PDE8B: variants seen among roughly 807,000 people sequenced by gnomAD.
The protein encoded by PDE8B is high affinity cAMP-specific and IBMX-insensitive 3',5'-cyclic phosphodiesterase 8B.
In PDE8B, 26 loss-of-function variants were observed where a neutral mutation model predicts 101.3. That is an observed-to-expected ratio of 0.26 (90% CI 0.19 to 0.36). The LOEUF (loss-of-function observed/expected upper bound fraction) is 0.36. Among genes scored for constraint, PDE8B ranks in the 10% least tolerant of loss-of-function variants. PDE8B has a pLI of 1.00. For missense variants in PDE8B, 810 were observed against 1,163.1 expected, an observed-to-expected ratio of 0.70 and a Z score of 4.42; for synonymous variants, 424 against 429.3, an observed-to-expected ratio of 0.99 and a Z score of 0.15.
intron 7 of PDE8B, among the ~76,000 whole-genome samples, chr5:77,346,451 C>A (rs943736517): frequency 3.9e-5 from 6 of 152,222 alleles, no homozygotes; most frequent in African/African-American, 1.4e-4. Flanking sequence ...GGCTCCCTGC[C>A]CACTAGCCGC....
At chr5:77,365,516 C>A (rs933289118) in intron 10 of PDE8B, among the ~76,000 whole-genome samples, 2 of 152,190 alleles carry the variant, frequency 1.3e-5, no homozygotes, top group African/African-American at 4.8e-5. Flanking sequence ...AGGGACCATG[C>A]CTTCATCGTC....
the PDE8B span, among the ~76,000 whole-genome samples, chr5:77,177,599 G>A: frequency 3.9e-5 from 6 of 152,220 alleles, no homozygotes; most frequent in Non-Finnish European, 8.8e-5. Context: ...GCGCATTACA[G>A]CTTCTCTTTG....
At chr5:77,090,346 G>T in the PDE8B span, among the ~76,000 whole-genome samples, 1 of 152,118 alleles carries the variant, frequency 6.6e-6, no homozygotes, top group Non-Finnish European at 1.5e-5. Context: ...AGCTTGTGTG[G>T]AGCTAGTGTT....
chr5:77,166,397 C>G, the PDE8B span, among the ~76,000 whole-genome samples: 4 of 152,098 alleles, frequency 2.6e-5, no homozygotes, highest in East Asian at 7.7e-4. Flanking sequence ...TAAATCCTGC[C>G]CCAGTGAGTA....
intron 1 of PDE8B, among the ~76,000 whole-genome samples, chr5:77,251,433 C>T (rs1758039017): frequency 6.6e-6 from 1 of 152,330 alleles, no homozygotes; most frequent in East Asian, 1.9e-4. Context: ...TGCCCCCCTT[C>T]TTTATTAATT....
chr5:77,411,294 A>G (rs1794515809), intron 14 of PDE8B, among the ~76,000 whole-genome samples: 1 of 151,904 alleles, frequency 6.6e-6, no homozygotes, highest in Non-Finnish European at 1.5e-5. Flanking sequence ...CAAAAACACA[A>G]TTAACACAGT....
At chr5:77,406,116 C>T (rs1383161545) in intron 12 of PDE8B, among the ~76,000 whole-genome samples, 2 of 151,912 alleles carry the variant, frequency 1.3e-5, no homozygotes, top group Non-Finnish European at 2.9e-5. Flanking sequence ...GTGAAACCCC[C>T]TCTCTACTAA....
chr5:77,097,215 A>G, the PDE8B span, among the ~76,000 whole-genome samples: 2 of 152,160 alleles, frequency 1.3e-5, no homozygotes, highest in Admixed American at 6.5e-5. Flanking sequence ...AAAATTAGAC[A>G]TGAAACCAGG....
the PDE8B span, among the ~76,000 whole-genome samples, chr5:77,099,906 G>T: frequency 6.6e-6 from 1 of 152,046 alleles, no homozygotes; most frequent in Admixed American, 6.5e-5. Context: ...CACAACGCCC[G>T]GCCCGGGGTG....
the PDE8B span, among the ~76,000 whole-genome samples, chr5:77,128,236 G>A: frequency 6.6e-6 from 1 of 152,158 alleles, no homozygotes; most frequent in Non-Finnish European, 1.5e-5. Flanking sequence ...TTGTGTTGCT[G>A]CTGGATCTGC....
chr5:77,407,131 T>A (rs1465493630), intron 12 of PDE8B, among the ~76,000 whole-genome samples: 1 of 152,144 alleles, frequency 6.6e-6, no homozygotes, highest in East Asian at 1.9e-4. Context: ...TTCTCTGAAA[T>A]TCCCCTTGTG....
intron 17 of PDE8B, among the ~76,000 whole-genome samples, chr5:77,417,062 T>C (rs1021321952): frequency 6.6e-6 from 1 of 152,004 alleles, no homozygotes; most frequent in Non-Finnish European, 1.5e-5. Flanking sequence ...AATCACTTCC[T>C]TGGAAGTGAC....
chr5:77,132,947 G>A, the PDE8B span, among the ~76,000 whole-genome samples: 10 of 152,280 alleles, frequency 6.6e-5, no homozygotes, highest in Non-Finnish European at 1.2e-4. Flanking sequence ...AATTTGGAAG[G>A]CATTTCATTG....
chr5:77,234,403 G>T (rs1371085511), intron 1 of PDE8B, among the ~76,000 whole-genome samples: 2 of 152,062 alleles, frequency 1.3e-5, no homozygotes, highest in East Asian at 3.9e-4. Flanking sequence ...TGGGCTTCAG[G>T]GTGAGAGAAG....
At position 77,318,055 on chromosome 5, in the gene PDE8B, C is replaced by CAAAAAA. The variant is rs55952764; in HGVS notation, c.399+6019_399+6024dup. ...TGGGCAACAGAGTGAGACTCCATCT[C>CAAAAAA]AAAAAAAAAAAAAAAAAAAAAACAC... On this transcript the variant is annotated intron_variant, in intron 2 of 21. Coordinates refer to ENST00000264917, the MANE Select transcript of PDE8B (RefSeq NM_003719.5). Among the ~76,000 whole-genome samples the CAAAAAA allele has an allele frequency of 2.6e-3, 145 of 56,824 alleles. 2 individuals carry two copies. The highest frequency in any genetic ancestry group is 2.8e-3 in the Non-Finnish European group (88 of 31,094). The allele number at this position is 56,824 out of a possible 152,430, so 37.3% of individuals were successfully genotyped here.
chr5:77,264,836 A>G (rs984086829), intron 1 of PDE8B, among the ~76,000 whole-genome samples: 4 of 152,174 alleles, frequency 2.6e-5, no homozygotes, highest in Admixed American at 6.5e-5. Flanking sequence ...TTCAATAGGT[A>G]AAATAACTAC....
chr5:77,418,139 C>T, intron 17 of PDE8B, 90 bp from the exon 18 acceptor site: 1 of 872,528 alleles, frequency 1.1e-6, no homozygotes. Context: ...AATCTCAAAT[C>T]CCCTGACCCG....
intron 1 of PDE8B, among the ~76,000 whole-genome samples, chr5:77,306,925 C>T (rs1771352056): frequency 1.3e-5 from 2 of 152,194 alleles, no homozygotes; most frequent in South Asian, 2.1e-4. Context: ...TGCTGTAGTT[C>T]CTACTCATAG....
chr5:77,100,236 G>C, the PDE8B span: 1 of 152,120 alleles, frequency 6.6e-6, no homozygotes, highest in Non-Finnish European at 1.5e-5. Context: ...CCTCTCCTAG[G>C]GTTCTAGGAT....
Sources: gnomAD v4.1 joint callset for allele counts (sites outside exome capture counted in the v4.1 genomes callset) on GRCh38, gnomAD v4.1.1 for gene constraint, MANE v1.5 for transcripts, NCBI Gene and HGNC (gene_info 2026-07-23, HGNC 2026-07-21) for gene names.